Variants in ZFAT observed in about 807,000 individuals in gnomAD.
ZFAT encodes zinc finger protein ZFAT.
In ZFAT, 64 loss-of-function variants were observed where a neutral mutation model predicts 117.7. That is an observed-to-expected ratio of 0.54 (90% CI 0.44 to 0.67). The LOEUF (loss-of-function observed/expected upper bound fraction) is 0.67, where lower values mean the gene tolerates loss of function less well. Ranked by LOEUF, ZFAT falls within the 30% of genes least tolerant of loss-of-function variation. The probability of loss-of-function intolerance (pLI) is 0.00; values close to 1 mark genes in which losing one functional copy is unlikely to be tolerated. For synonymous variants in ZFAT, 679 were observed against 615.0 expected, an observed-to-expected ratio of 1.10 and a Z score of -1.54; for missense variants, 1,433 against 1,584.5, an observed-to-expected ratio of 0.90 and a Z score of 1.62.
rs562806699 is a variant in ZFAT at position 134,512,745 on chromosome 8, C to G, written c.3235-144G>C. ...TCATTTACCTGGCACCCCTGAGAAA[C>G]CAGTTGCTCCCATACACTTCTCAAA... On this transcript the variant is annotated intron_variant, in intron 13 of 15. Coordinates refer to ENST00000377838, the MANE Select transcript of ZFAT (RefSeq NM_020863.4). The G allele has an allele frequency of 1.6e-4, 168 of 1,040,292 alleles. No homozygotes were observed. The African/African-American group carries it at 2.4e-3, about 15-fold the overall frequency. 64.4% of individuals were successfully genotyped at this position (1,040,292 alleles called of 1,614,324 possible).
At chr8:134,625,368 A>C (rs1316891201) in intron 3 of ZFAT, among the ~76,000 whole-genome samples, 1 of 152,218 alleles carries the variant, frequency 6.6e-6, no homozygotes, top group Non-Finnish European at 1.5e-5. Flanking sequence ...TTTTGTATGA[A>C]CCATCACGAG....
At chr8:134,737,919 A>G in the ZFAT span, among the ~76,000 whole-genome samples, 6 of 152,210 alleles carry the variant, frequency 3.9e-5, no homozygotes, top group African/African-American at 1.2e-4. Context: ...TTTCCTTAAG[A>G]GAGAGACAAA....
intron 1 of ZFAT, among the ~76,000 whole-genome samples, chr8:134,670,929 C>T (rs371279500): frequency 5.9e-5 from 9 of 151,950 alleles, no homozygotes; most frequent in Non-Finnish European, 1.2e-4. Flanking sequence ...ATATCACCAC[C>T]GATCCCACAG....
chr8:134,639,520 G>A (rs73711287), intron 2 of ZFAT, among the ~76,000 whole-genome samples: 4,564 of 152,218 alleles, frequency 0.03, 236 homozygotes, highest in African/African-American at 0.1. Context: ...GATAAAACAA[G>A]GGACAGAAGG....
chr8:134,610,603 T>C lies in ZFAT; in HGVS notation c.501A>G (p.Glu167=), dbSNP rs1483424510. The C allele has an allele frequency of 6.2e-7, 1 of 1,614,234 alleles. No individual in the cohort carries two copies. Among genetic ancestry groups the C allele is most frequent in the Admixed American group, 1.7e-5 (1 of 60,026 alleles). Residue 167 remains glutamate (E), a synonymous_variant, in exon 4 of 16, where the codon GAA becomes GAG. Coordinates refer to ENST00000377838, the MANE Select transcript of ZFAT (RefSeq NM_020863.4). ...LEKKCKEDDR[E]KASKRPRSQK... ...GTGACCGTGGTCTTTTCGAGGCTTT[T>C]TCCCGATCATCTTCCTTACACTTCT... is the stretch of plus-strand genomic sequence containing the variant.
intron 12 of ZFAT, among the ~76,000 whole-genome samples, chr8:134,532,086 C>T (rs1821462509): frequency 6.6e-6 from 1 of 152,164 alleles, no homozygotes; most frequent in Non-Finnish European, 1.5e-5. Flanking sequence ...TGTATGGTAA[C>T]AGCACATAAG....
chr8:134,479,738 G>T (rs1817157027), intron 15 of ZFAT, among the ~76,000 whole-genome samples: 1 of 152,156 alleles, frequency 6.6e-6, no homozygotes, highest in Non-Finnish European at 1.5e-5. Context: ...GCTTTGTCCT[G>T]CACTGACCGG....
chr8:134,560,724 CAA>C, intron 11 of ZFAT, among the ~76,000 whole-genome samples: 1 of 152,026 alleles, frequency 6.6e-6, no homozygotes, highest in African/African-American at 2.4e-5. Context: ...TGGAAGAAAG[CAA>C]AGAGTTGAAT....
At chr8:134,782,807 C>A in the ZFAT span, among the ~76,000 whole-genome samples, 1 of 151,958 alleles carries the variant, frequency 6.6e-6, no homozygotes, top group African/African-American at 2.4e-5. Context: ...ATTACCCAGT[C>A]TCGGGTATGT....
At chr8:134,622,745 T>C (rs1049268857) in intron 3 of ZFAT, among the ~76,000 whole-genome samples, 5 of 151,910 alleles carry the variant, frequency 3.3e-5, no homozygotes, top group Non-Finnish European at 7.4e-5. Flanking sequence ...CAGCAGGAGA[T>C]GAAAGGAAAT....
chr8:134,624,213 CACACA>C (rs1829336639), intron 3 of ZFAT, among the ~76,000 whole-genome samples: 3 of 151,912 alleles, frequency 2.0e-5, no homozygotes, highest in East Asian at 3.9e-4. Context: ...CACACACACA[CACACA>C]CCCTTAACTC....
At chr8:134,594,769 T>C (rs1177020020) in intron 7 of ZFAT, 1 of 152,194 alleles carries the variant, frequency 6.6e-6, no homozygotes, top group African/African-American at 2.4e-5. Flanking sequence ...GCCACACCAC[T>C]TCTAAGTCCC....
the ZFAT span, among the ~76,000 whole-genome samples, chr8:134,826,145 A>G: frequency 5.9e-5 from 9 of 152,206 alleles, no homozygotes; most frequent in East Asian, 1.3e-3. Flanking sequence ...TTCTGGGCAC[A>G]TTCCAGATTC....
chr8:134,637,370 T>C, intron 3 of ZFAT, 91 bp downstream of exon 3: 1 of 1,489,786 alleles, frequency 6.7e-7, no homozygotes, highest in Non-Finnish European at 9.1e-7. Context: ...ATGTGCTATT[T>C]CCAAGTAAAA....
At position 134,610,102 on chromosome 8, in the gene ZFAT, C is replaced by A. The variant is rs184101822; in HGVS notation, c.634+368G>T. On this transcript the variant is annotated intron_variant, in intron 4 of 15. Coordinates refer to ENST00000377838, the MANE Select transcript of ZFAT (RefSeq NM_020863.4). ...CATGCGTCTGGCTGAATGGGCTGGCCTCACATGCAGGACAGCATGGCTGAG... is the reference window on the plus strand; with the variant it reads ...CATGCGTCTGGCTGAATGGGCTGGCATCACATGCAGGACAGCATGGCTGAG... Among the ~76,000 whole-genome samples the A allele has an allele frequency of 4.5e-4, 68 of 152,338 alleles. 1 individual carries two copies. The East Asian group carries it at 7.3e-3, about 16-fold the overall frequency.
At position 134,672,160 on chromosome 8, in the gene ZFAT, G is replaced by A. The variant is rs550122163; in HGVS notation, c.20-14423C>T. Among the ~76,000 whole-genome samples the A allele has an allele frequency of 4.7e-3, 719 of 152,324 alleles. 3 individuals carry two copies. Among genetic ancestry groups the A allele is most frequent in the African/African-American group, 0.016 (671 of 41,560 alleles). On this transcript the variant is annotated intron_variant, in intron 1 of 15. Coordinates refer to ENST00000377838, the MANE Select transcript of ZFAT (RefSeq NM_020863.4). Reference sequence around the variant, plus strand: ...TTCATGGATAGGAAGAATCAATATTGTGAAAATGGCCATACTGCCCAAGGT... The same window carrying A: ...TTCATGGATAGGAAGAATCAATATTATGAAAATGGCCATACTGCCCAAGGT...
At chr8:134,525,310 T>C (rs1367646125) in intron 12 of ZFAT, among the ~76,000 whole-genome samples, 3 of 152,114 alleles carry the variant, frequency 2.0e-5, no homozygotes, top group Non-Finnish European at 2.9e-5. Flanking sequence ...TCCCAAAGTA[T>C]CCCACCTCCC....
intron 15 of ZFAT, among the ~76,000 whole-genome samples, chr8:134,489,199 G>T (rs2130112054): frequency 6.6e-6 from 1 of 152,232 alleles, no homozygotes; most frequent in East Asian, 1.9e-4. Context: ...CTATGGGGAA[G>T]AGGAGGCAGA....
chr8:134,762,816 C>T, the ZFAT span, among the ~76,000 whole-genome samples: 14 of 152,322 alleles, frequency 9.2e-5, no homozygotes, highest in African/African-American at 3.4e-4. Flanking sequence ...CCTACCCATA[C>T]CTCTCTACCC....
Sources: allele counts gnomAD v4.1 joint callset (sites outside exome capture counted in the v4.1 genomes callset), GRCh38; gene constraint gnomAD v4.1.1; transcripts MANE v1.5; gene names NCBI Gene and HGNC (gene_info 2026-07-23, HGNC 2026-07-21).